Variants in NCAM1 observed in about 807,000 individuals in gnomAD.
NCAM1 encodes antigen recognized by monoclonal antibody 5.1H11.
Under a neutral mutation model 109.8 loss-of-function variants are expected in NCAM1, and 14 were observed. The ratio of observed to expected loss-of-function variants is 0.13; its 90% CI spans 0.08 to 0.20. The LOEUF (loss-of-function observed/expected upper bound fraction) is 0.20. NCAM1 is among the 10% of genes least tolerant of loss of function. The pLI is 1.00. For missense variants in NCAM1, 774 were observed against 1,109.9 expected (o/e 0.70, Z 4.30); for synonymous variants, 418 against 442.9 (o/e 0.94, Z 0.70).
At chr11:113,156,988 T>A (rs1942431697) in intron 1 of NCAM1, among the ~76,000 whole-genome samples, 1 of 152,184 alleles carries the variant, frequency 6.6e-6, no homozygotes, top group Admixed American at 6.5e-5. Flanking sequence ...TTGGATGTCC[T>A]GGGTTGCCCA....
At chr11:113,243,281 G>A (rs545344928) in intron 14 of NCAM1, among the ~76,000 whole-genome samples, 2 of 152,294 alleles carry the variant, frequency 1.3e-5, no homozygotes, top group Admixed American at 1.3e-4. Context: ...ATGGCTGCTT[G>A]AGGAAAGGGA....
chr11:113,050,564 C>T (rs956543314), intron 1 of NCAM1, among the ~76,000 whole-genome samples: 4 of 151,978 alleles, frequency 2.6e-5, no homozygotes, highest in African/African-American at 4.8e-5. Flanking sequence ...CAGTACCATG[C>T]TGTTTTGGTT....
Position 113,273,668 on chromosome 11 carries a change from C to G in NCAM1, c.2457-1599C>G, listed in dbSNP as rs181319845. The G allele has an allele frequency of 2.2e-6, 1 of 456,234 alleles. No individual in the cohort carries two copies. Among genetic ancestry groups the G allele is most frequent in the Non-Finnish European group, 4.4e-6 (1 of 226,604 alleles). The allele number at this position is 456,234 out of a possible 1,614,324, so 28.3% of individuals were successfully genotyped here. On this transcript the variant is annotated intron_variant, in intron 19 of 19. Transcript: ENST00000316851. The surrounding 1 kb of genome is among the most constrained non-coding windows in gnomAD (Gnocchi z 6.0). ...CAGCCCTGGGCTCTCCTGCTCCCGC[C>G]GCTGGGGCCAGTGGACAAGCCCCTG...
intron 1 of NCAM1, among the ~76,000 whole-genome samples, chr11:112,993,463 A>T (rs1288916608): frequency 6.6e-6 from 1 of 152,216 alleles, no homozygotes; most frequent in African/African-American, 2.4e-5. Flanking sequence ...ATATAATTCA[A>T]CATAAGATTT....
intron 1 of NCAM1, among the ~76,000 whole-genome samples, chr11:113,080,956 T>C (rs1555087054): frequency 6.6e-6 from 1 of 152,202 alleles, no homozygotes; most frequent in East Asian, 1.9e-4. Context: ...ACCATACTTG[T>C]GTTGCTTATT....
chr11:113,238,354 C>A (rs193156928), intron 14 of NCAM1, among the ~76,000 whole-genome samples: 8 of 152,270 alleles, frequency 5.3e-5, no homozygotes, highest in African/African-American at 1.9e-4. Context: ...AGAATTTTAG[C>A]AGGATGAGGC....
intron 1 of NCAM1, among the ~76,000 whole-genome samples, chr11:113,075,615 A>T (rs1938494340): frequency 6.6e-6 from 1 of 152,192 alleles, no homozygotes; most frequent in South Asian, 2.1e-4. Context: ...TATGAGTTTG[A>T]ATAGGGCTAC....
intron 1 of NCAM1, among the ~76,000 whole-genome samples, chr11:113,111,675 G>A (rs781956631): frequency 1.3e-5 from 2 of 152,160 alleles, no homozygotes; most frequent in Admixed American, 6.5e-5. Context: ...CTCAGTAAAC[G>A]TGACTGAAAA....
intron 6 of NCAM1, 138 bp from the exon 7 acceptor site, chr11:113,207,695 A>T (rs1555113092): frequency 2.2e-6 from 2 of 917,798 alleles, no homozygotes; most frequent in Non-Finnish European, 3.3e-6. Context: ...TGGACGTTCA[A>T]CTTGGTGCCT....
intron 8 of NCAM1, among the ~76,000 whole-genome samples, chr11:113,216,050 AG>A (rs1555114328): frequency 6.6e-6 from 1 of 152,130 alleles, no homozygotes; most frequent in Non-Finnish European, 1.5e-5. Flanking sequence ...TTCTAGGAAT[AG>A]CTCAACAGCC....
chr11:113,229,062 C>A (rs1257531440), intron 9 of NCAM1, among the ~76,000 whole-genome samples: 2 of 152,200 alleles, frequency 1.3e-5, no homozygotes, highest in Non-Finnish European at 2.9e-5. Flanking sequence ...GCAATGGCAA[C>A]AAAAGCCAAA....
chr11:113,197,375 C>T (rs1279222434), intron 1 of NCAM1, among the ~76,000 whole-genome samples: 1 of 152,200 alleles, frequency 6.6e-6, no homozygotes, highest in Admixed American at 6.5e-5. Context: ...AACAATTCTC[C>T]ATTACAGTGG....
chr11:113,053,985 T>A (rs1166565297), intron 1 of NCAM1, among the ~76,000 whole-genome samples: 1 of 152,218 alleles, frequency 6.6e-6, no homozygotes, highest in African/African-American at 2.4e-5. Context: ...CCATGCTGTG[T>A]TCAGAATCAC....
chr11:113,117,660 G>A (rs112664135), intron 1 of NCAM1, among the ~76,000 whole-genome samples: 1,591 of 152,116 alleles, frequency 0.01, 39 homozygotes, highest in African/African-American at 0.037. Context: ...ACGAAATTGT[G>A]TATGAGAATT....
chr11:113,165,070 C>T (rs1942742121), intron 1 of NCAM1, among the ~76,000 whole-genome samples: 1 of 152,222 alleles, frequency 6.6e-6, no homozygotes, highest in Non-Finnish European at 1.5e-5. Flanking sequence ...CAGGGACCCA[C>T]TGTCTGCTCA....
In NCAM1 at chr11:113,250,593, TCAAC is replaced by T. The variant is rs527995251; in HGVS notation, c.1828+4227_1828+4230del. On this transcript the variant is annotated intron_variant, in intron 15 of 19. Transcript: ENST00000316851. ...GTTTCAAATTGCTTGGAAGAAATAA[TCAAC>T]CAAAGGAGACAGGAGTTATGATAAA... is the stretch of plus-strand genomic sequence containing the variant. Among the ~76,000 whole-genome samples the T allele has an allele frequency of 2.3e-4, 35 of 152,214 alleles. 2 individuals carry two copies. In the South Asian group the frequency reaches 5.6e-3, roughly 24 times the overall value.
At chr11:113,158,778 A>G (rs1942502840) in intron 1 of NCAM1, among the ~76,000 whole-genome samples, 1 of 152,174 alleles carries the variant, frequency 6.6e-6, no homozygotes, top group Non-Finnish European at 1.5e-5. Flanking sequence ...TGAACATTGG[A>G]TGAATGAGGT....
In NCAM1 at chr11:112,963,127, G is replaced by C. The variant is rs1555063919; in HGVS notation, c.52+1463G>C. 2 of 152,222 alleles carry C rather than the reference G, an allele frequency of 1.3e-5. No individual in the cohort carries two copies. The highest frequency in any genetic ancestry group is 2.9e-5 in the Non-Finnish European group (2 of 68,218). 9.4% of individuals were successfully genotyped at this position (152,222 alleles called of 1,614,324 possible). A position where few individuals can be genotyped will look rare whatever the true frequency, so the allele number is the denominator to read the frequency against. The stretch of plus-strand genomic sequence containing the variant: ...GCTGGCTGGGCGGGAAGCCGCGAGA[G>C]GCTTTTATTGCGGCGCGGGTGGCGG... On this transcript the variant is annotated intron_variant, in intron 1 of 19. Transcript: ENST00000316851. This position sits in a 1 kb window ranked among gnomAD's most constrained non-coding sequence, Gnocchi z 4.6.
At chr11:113,112,340 A>G in intron 1 of NCAM1, among the ~76,000 whole-genome samples, 1 of 152,244 alleles carries the variant, frequency 6.6e-6, no homozygotes, top group Admixed American at 6.5e-5. Context: ...AAAAGGCACA[A>G]TAAATATTTT....
Sources: gnomAD v4.1 joint callset for allele counts (sites outside exome capture counted in the v4.1 genomes callset) on GRCh38, gnomAD v4.1.1 for gene constraint, Gnocchi (gnomAD v3.1) non-coding constraint, MANE v1.5 for transcripts, NCBI Gene and HGNC (gene_info 2026-07-23, HGNC 2026-07-21) for gene names.